The following ARHGEF10L variants were observed in gnomAD, a reference collection of about 807,000 sequenced individuals.
The protein encoded by ARHGEF10L is Rho guanine nucleotide exchange factor 10 like.
In ARHGEF10L, 69 loss-of-function variants were observed where a neutral mutation model predicts 141.2. That is an observed-to-expected ratio of 0.49 (90% CI 0.40 to 0.60). ARHGEF10L has a LOEUF of 0.60. Among genes scored for constraint, ARHGEF10L ranks in the 20% least tolerant of loss-of-function variants. ARHGEF10L has a pLI of 0.00. For synonymous variants in ARHGEF10L, 711 were observed against 718.5 expected, an observed-to-expected ratio of 0.99 and a Z score of 0.17; for missense variants, 1,482 against 1,734.3, an observed-to-expected ratio of 0.85 and a Z score of 2.58.
chr1:17,639,264 A>C lies in ARHGEF10L; in HGVS notation c.2171+575A>C, dbSNP rs1357838607. On this transcript the variant is annotated intron_variant, in intron 20 of 28. Coordinates refer to ENST00000361221, the MANE Select transcript of ARHGEF10L (RefSeq NM_018125.4). This position sits in a 1 kb window ranked among gnomAD's most constrained non-coding sequence, Gnocchi z 4.3. ...TGAGGAAGGTGAGGCTCAGAGTTTC[A>C]GGAGAGGCTGAAGGCCACATCGTGA... Among the ~76,000 whole-genome samples the C allele has an allele frequency of 6.6e-6, 1 of 152,200 alleles. No individual in the cohort carries two copies. Among genetic ancestry groups the C allele is most frequent in the Non-Finnish European group, 1.5e-5 (1 of 68,044 alleles).
chr1:17,684,035 A>G (rs549294303), intron 26 of ARHGEF10L, among the ~76,000 whole-genome samples: 9 of 152,280 alleles, frequency 5.9e-5, no homozygotes, highest in African/African-American at 1.9e-4. Context: ...GTGAGCAAGG[A>G]GCTGCGTGCT....
intron 8 of ARHGEF10L, 59 bp from the exon 9 acceptor site, chr1:17,616,035 C>G (rs776424452): frequency 6.2e-5 from 92 of 1,488,660 alleles, no homozygotes; most frequent in Non-Finnish European, 3.7e-6. Flanking sequence ...GCGGGTGGCC[C>G]TCGGTAGCAG....
At chr1:17,572,192 G>T (rs544387404) in intron 1 of ARHGEF10L, among the ~76,000 whole-genome samples, 70 of 152,360 alleles carry the variant, frequency 4.6e-4, no homozygotes, top group African/African-American at 1.7e-3. Context: ...GTGGGAGGGT[G>T]CGGCCTGGGA....
At chr1:17,608,854 G>A (rs754343467) in intron 7 of ARHGEF10L, among the ~76,000 whole-genome samples, 3 of 152,060 alleles carry the variant, frequency 2.0e-5, no homozygotes, top group Non-Finnish European at 2.9e-5. Flanking sequence ...GCCCTATCTC[G>A]GCTCACTGTA....
At chr1:17,551,027 C>CCCAGTG (rs1305919703) in intron 1 of ARHGEF10L, among the ~76,000 whole-genome samples, 7 of 151,926 alleles carry the variant, frequency 4.6e-5, no homozygotes, top group African/African-American at 1.5e-4. Context: ...CCGGAGGTGA[C>CCCAGTG]CCAGTGCACC....
chr1:17,688,011 C>A (rs1406951167), intron 27 of ARHGEF10L, among the ~76,000 whole-genome samples: 3 of 152,224 alleles, frequency 2.0e-5, no homozygotes, highest in Admixed American at 2.0e-4. Context: ...CCACTGGACC[C>A]TCCAAAGTCA....
chr1:17,683,206 CTCACTGCCCCCTGCTCTCACCCG>C (rs2064272196), intron 26 of ARHGEF10L, among the ~76,000 whole-genome samples: 1 of 131,478 alleles, frequency 7.6e-6, no homozygotes. Context: ...CACCGGGGTG[CTCACTGCCCCCTGCTCTCACCCG>C]GGTGCTCACT....
At chr1:17,618,302 C>A in intron 9 of ARHGEF10L, 1 of 1,494,146 alleles carries the variant, frequency 6.7e-7, no homozygotes, top group Non-Finnish European at 8.9e-7. Context: ...AGTGACCCTC[C>A]CTGCAGAGGC....
intron 21 of ARHGEF10L, among the ~76,000 whole-genome samples, chr1:17,643,327 G>T (rs1236726961): frequency 6.6e-6 from 1 of 152,158 alleles, no homozygotes; most frequent in African/African-American, 2.4e-5. Context: ...TGTGGTGGGG[G>T]AGCCTGCGAT....
intron 21 of ARHGEF10L, among the ~76,000 whole-genome samples, chr1:17,643,179 G>A (rs190581025): frequency 6.6e-6 from 1 of 152,250 alleles, no homozygotes; most frequent in African/African-American, 2.4e-5. Flanking sequence ...ATGATAATAT[G>A]AGCCTGTTAG....
At chr1:17,683,703 G>A (rs76970608) in intron 26 of ARHGEF10L, among the ~76,000 whole-genome samples, 21,733 of 152,186 alleles carry the variant, frequency 0.14, 1,676 homozygotes, top group Non-Finnish European at 0.16. Flanking sequence ...CGGCCTCCCC[G>A]CTTTGGGCTC....
At position 17,619,324 on chromosome 1, in the gene ARHGEF10L, C is replaced by T. The variant is rs1345905734; in HGVS notation, c.836-15C>T. 3 of 1,611,766 alleles carry T rather than the reference C, an allele frequency of 1.9e-6. No individual in the cohort carries two copies. Among genetic ancestry groups the T allele is most frequent in the Admixed American group, 1.7e-5 (1 of 59,942 alleles). Reference sequence around the variant, plus strand: ...CCCTGCCTTAGCTGTGTCATCGGCCCATCTGACTTTCCAGGTGACTCGGAG... The same window carrying T: ...CCCTGCCTTAGCTGTGTCATCGGCCTATCTGACTTTCCAGGTGACTCGGAG... On this transcript the variant is annotated splice_polypyrimidine_tract_variant and intron_variant, in intron 9 of 28. Coordinates refer to ENST00000361221, the MANE Select transcript of ARHGEF10L (RefSeq NM_018125.4). The surrounding 1 kb of genome is among the most constrained non-coding windows in gnomAD (Gnocchi z 5.0).
intron 1 of ARHGEF10L, among the ~76,000 whole-genome samples, chr1:17,552,571 G>GTTTTTTTTTTTTTT (rs34766409): frequency 4.5e-5 from 2 of 44,934 alleles, no homozygotes; most frequent in Non-Finnish European, 3.7e-5. Flanking sequence ...GCTAATTTTC[G>GTTTTTTTTTTTTTT]TTTTTTTTTT....
the ARHGEF10L span, among the ~76,000 whole-genome samples, chr1:17,525,209 G>C: frequency 1.3e-5 from 2 of 152,166 alleles, no homozygotes; most frequent in Non-Finnish European, 2.9e-5. Context: ...AGCCAGCGGG[G>C]TTAAGTAGTG....
In ARHGEF10L at chr1:17,615,984, G is replaced by T. The variant is rs2059786724; in HGVS notation, c.727-110G>T. 2.3e-6 allele frequency: 2 copies of T among 859,484 alleles called. No individual in the cohort carries two copies. Among genetic ancestry groups the T allele is most frequent in the Non-Finnish European group, 3.9e-6 (2 of 513,804 alleles). 53.2% of individuals were successfully genotyped at this position (859,484 alleles called of 1,614,324 possible). On this transcript the variant is annotated intron_variant, in intron 8 of 28. Coordinates refer to ENST00000361221, the MANE Select transcript of ARHGEF10L (RefSeq NM_018125.4). This position sits in a 1 kb window ranked among gnomAD's most constrained non-coding sequence, Gnocchi z 4.7. Reference sequence around the variant, plus strand: ...TTGCTCACGGACCTGGGAGGGAAGGGTCTGGGTGGTTCTGATCTCTGCAGG... The same window carrying T: ...TTGCTCACGGACCTGGGAGGGAAGGTTCTGGGTGGTTCTGATCTCTGCAGG...
At chr1:17,604,135 A>T (rs1370363342) in intron 6 of ARHGEF10L, among the ~76,000 whole-genome samples, 2 of 151,974 alleles carry the variant, frequency 1.3e-5, no homozygotes, top group African/African-American at 4.8e-5. Flanking sequence ...TGGACACGTT[A>T]GGCCAAGCAT....
At position 17,539,784 on chromosome 1, in the gene ARHGEF10L, G is replaced by C. The variant is rs1303614105; in HGVS notation, c.-210G>C. ...CCCGGCGGGCCCGGACCTCGCGGGC[G>C]GGCGGGCGGCGCGGCCATTGGCTCG... On this transcript the variant is annotated 5_prime_UTR_variant, in exon 1 of 29. Coordinates refer to ENST00000361221, the MANE Select transcript of ARHGEF10L (RefSeq NM_018125.4). The surrounding 1 kb of genome is among the most constrained non-coding windows in gnomAD (Gnocchi z 6.0). 6.8e-6 allele frequency: 1 copy of C among 146,606 alleles called. No individual in the cohort carries two copies. Among genetic ancestry groups the C allele is most frequent in the Non-Finnish European group, 1.5e-5 (1 of 65,734 alleles). 9.1% of individuals were successfully genotyped at this position (146,606 alleles called of 1,614,324 possible).
In ARHGEF10L at chr1:17,573,604, T is replaced by G. The variant is rs1557724369; in HGVS notation, c.-43-6949T>G. Among the ~76,000 whole-genome samples, 1 of 151,322 alleles carries G rather than the reference T, an allele frequency of 6.6e-6. No homozygotes were observed. The highest frequency in any genetic ancestry group is 1.5e-5 in the Non-Finnish European group (1 of 67,756). ...AAGGAGGAAGAGCAGGAGGAGGAGG[T>G]AGAGGAGGGGGGCTGGAGATAGAGT... On this transcript the variant is annotated intron_variant, in intron 1 of 28. Coordinates refer to ENST00000361221, the MANE Select transcript of ARHGEF10L (RefSeq NM_018125.4). The surrounding 1 kb of genome is among the most constrained non-coding windows in gnomAD (Gnocchi z 4.8).
chr1:17,515,616 TCTTTTCTTCTCTTTTTG>T, the ARHGEF10L span, among the ~76,000 whole-genome samples: 1 of 152,018 alleles, frequency 6.6e-6, no homozygotes, highest in South Asian at 2.1e-4. Flanking sequence ...TATTTATTTT[TCTTTTCTTCTCTTTTTG>T]CTTTTCTTTT....
Sources: allele counts gnomAD v4.1 joint callset (sites outside exome capture counted in the v4.1 genomes callset), GRCh38; gene constraint gnomAD v4.1.1; non-coding constraint Gnocchi (gnomAD v3.1); transcripts MANE v1.5; gene names NCBI Gene and HGNC (gene_info 2026-07-23, HGNC 2026-07-21).